The following LMNB1 variants were observed in gnomAD, a reference collection of about 807,000 sequenced individuals.
LMNB1 encodes lamin B1.
In LMNB1, 23 loss-of-function variants were observed where a neutral mutation model predicts 67.1. The observed-to-expected ratio is 0.34, with a 90% CI of 0.25 to 0.49. The LOEUF is 0.49. Among genes scored for constraint, LMNB1 ranks in the 20% least tolerant of loss-of-function variants. The pLI, the probability that LMNB1 is intolerant of heterozygous loss-of-function variation, is 0.99. For synonymous variants in LMNB1, 281 were observed against 282.9 expected (o/e 0.99, Z 0.07); for missense variants, 634 against 746.5 (o/e 0.85, Z 1.76).
chr5:126,781,932 T>C (rs1250366315), intron 1 of LMNB1, among the ~76,000 whole-genome samples: 1 of 152,132 alleles, frequency 6.6e-6, no homozygotes, highest in Non-Finnish European at 1.5e-5. Flanking sequence ...TTGGCAACAG[T>C]TTCCATGCAG....
intron 1 of LMNB1, among the ~76,000 whole-genome samples, chr5:126,793,530 C>T (rs569145745): frequency 2.1e-4 from 32 of 152,268 alleles, no homozygotes; most frequent in African/African-American, 7.5e-4. Flanking sequence ...TATGCAAAAG[C>T]ATCTTCTTAG....
At chr5:126,778,808 G>A (rs963031208) in intron 1 of LMNB1, among the ~76,000 whole-genome samples, 2 of 152,112 alleles carry the variant, frequency 1.3e-5, no homozygotes, top group Admixed American at 6.6e-5. Flanking sequence ...AGTAGACCAG[G>A]GCAGGTGACA....
intron 1 of LMNB1, among the ~76,000 whole-genome samples, chr5:126,795,768 G>A (rs1751071962): frequency 6.6e-6 from 1 of 151,372 alleles, no homozygotes; most frequent in Non-Finnish European, 1.5e-5. Context: ...GGGATTACAG[G>A]CATGCACAAC....
intron 3 of LMNB1, among the ~76,000 whole-genome samples, chr5:126,807,780 T>G (rs1043119548): frequency 6.6e-6 from 1 of 152,266 alleles, no homozygotes; most frequent in Non-Finnish European, 1.5e-5. Flanking sequence ...ATTTAATATT[T>G]TTAGAGTGCA....
chr5:126,802,886 A>C (rs971137290), intron 1 of LMNB1, among the ~76,000 whole-genome samples: 4 of 152,206 alleles, frequency 2.6e-5, no homozygotes, highest in Non-Finnish European at 5.9e-5. Flanking sequence ...CCATTTAAAA[A>C]AAAGTGGTTA....
chr5:126,777,542 G>A lies in LMNB1; in HGVS notation c.34G>A (p.Gly12Ser), dbSNP rs754190614. The change falls in exon 1 of 11, where the codon GGC becomes AGC. Residue 12 changes from glycine to serine, a missense_variant. Transcript: ENST00000261366. ...ATATPVPPRMGSRAGGPTTPL... is the reference protein window; with the variant it reads ...ATATPVPPRMSSRAGGPTTPL... Reference sequence around the variant, plus strand: ...TGCGACCCCCGTGCCGCCGCGGATGGGCAGCCGCGCTGGCGGCCCCACCAC... The same window carrying A: ...TGCGACCCCCGTGCCGCCGCGGATGAGCAGCCGCGCTGGCGGCCCCACCAC... 1.2e-5 allele frequency: 17 copies of A among 1,434,864 alleles called. No individual in the cohort carries two copies. The highest frequency in any genetic ancestry group is 1.6e-5 in the Non-Finnish European group (17 of 1,090,602). 88.9% of individuals were successfully genotyped at this position (1,434,864 alleles called of 1,614,324 possible). A position where few individuals can be genotyped will look rare whatever the true frequency, so the allele number is the denominator to read the frequency against.
chr5:126,802,986 A>G (rs1751323833), intron 1 of LMNB1, among the ~76,000 whole-genome samples: 1 of 151,692 alleles, frequency 6.6e-6, no homozygotes, highest in Non-Finnish European at 1.5e-5. Context: ...GGTGTTCGAG[A>G]CCAGCCTGGC....
chr5:126,819,802 T>C (rs1219154356), intron 6 of LMNB1, among the ~76,000 whole-genome samples: 2 of 152,068 alleles, frequency 1.3e-5, no homozygotes, highest in East Asian at 1.9e-4. Flanking sequence ...TTATATATAT[T>C]TTAAATCTGG....
At chr5:126,781,092 T>G (rs919646418) in intron 1 of LMNB1, among the ~76,000 whole-genome samples, 9 of 152,014 alleles carry the variant, frequency 5.9e-5, no homozygotes, top group Non-Finnish European at 1.3e-4. Context: ...AGTTCAAGAC[T>G]AGCCTGTCCA....
In LMNB1 at chr5:126,818,958, G is replaced by A; in HGVS notation, c.976G>A (p.Asp326Asn). The A allele has an allele frequency of 6.2e-7, 1 of 1,614,044 alleles. No homozygotes were observed. Among genetic ancestry groups the A allele is most frequent in the Non-Finnish European group, 8.5e-7 (1 of 1,179,938 alleles). Residue 326 changes from aspartate (D) to asparagine (N), a missense_variant, in exon 6 of 11, where the codon GAC (aspartate) becomes AAC (asparagine). Transcript: ENST00000261366. ...TTTGGAAAGGATTCAAGAATTAGAGGACTTGCTTGCTAAAGAAAAAGACAA... is the reference window on the plus strand; with the variant it reads ...TTTGGAAAGGATTCAAGAATTAGAGAACTTGCTTGCTAAAGAAAAAGACAA... ...ACLERIQELEDLLAKEKDNSR... is the reference protein window; with the variant it reads ...ACLERIQELENLLAKEKDNSR...
chr5:126,795,578 AG>A (rs1311882249), intron 1 of LMNB1, among the ~76,000 whole-genome samples: 1 of 152,042 alleles, frequency 6.6e-6, no homozygotes, highest in Non-Finnish European at 1.5e-5. Context: ...AGTTCCATTG[AG>A]GGTTCATTTT....
intron 2 of LMNB1, 100 bp from the exon 3 acceptor site, chr5:126,805,471 G>T (rs1226882147): frequency 8.9e-6 from 7 of 788,682 alleles, no homozygotes; most frequent in Non-Finnish European, 1.2e-5. Flanking sequence ...AAATATATAG[G>T]AATTTTAACA....
At chr5:126,817,269 C>G (rs1290965463) in intron 5 of LMNB1, among the ~76,000 whole-genome samples, 2 of 152,170 alleles carry the variant, frequency 1.3e-5, no homozygotes, top group East Asian at 1.9e-4. Context: ...GGTACTATAA[C>G]ATGCTCTAGG....
Position 126,826,038 on chromosome 5 carries a change from C to A in LMNB1, c.1542C>A (p.Ile514=). ...CAGCCAGCCCCCCAACTGACCTCAT[C>A]TGGAAGAACCAGAACTCGTGGGGCA... ...GVTASPPTDL[I]WKNQNSWGTG... is the part of the protein sequence containing the mutation. Residue 514 remains isoleucine (I), a synonymous_variant, in exon 9 of 11, where the codon ATC becomes ATA. Coordinates refer to ENST00000261366, the MANE Select transcript of LMNB1 (RefSeq NM_005573.4). 1 of 1,614,042 alleles carries A rather than the reference C, an allele frequency of 6.2e-7. No individual in the cohort carries two copies. The highest frequency in any genetic ancestry group is 8.5e-7 in the Non-Finnish European group (1 of 1,179,956).
At chr5:126,816,504 T>C (rs1323383871) in intron 5 of LMNB1, among the ~76,000 whole-genome samples, 1 of 152,214 alleles carries the variant, frequency 6.6e-6, no homozygotes, top group Non-Finnish European at 1.5e-5. Context: ...CATTTTCCCC[T>C]GTTGTTAGCA....
At chr5:126,806,271 T>C (rs1372027483) in intron 3 of LMNB1, among the ~76,000 whole-genome samples, 3 of 152,226 alleles carry the variant, frequency 2.0e-5, no homozygotes, top group African/African-American at 7.2e-5. Flanking sequence ...TCTTAACTTA[T>C]AAAGGCTTGG....
intron 3 of LMNB1, among the ~76,000 whole-genome samples, chr5:126,806,828 A>G (rs2126712603): frequency 6.6e-6 from 1 of 151,854 alleles, no homozygotes. Flanking sequence ...CCCAGGCTGG[A>G]ATGCAGTGGC....
At chr5:126,796,217 C>A (rs898440812) in intron 1 of LMNB1, among the ~76,000 whole-genome samples, 1 of 152,104 alleles carries the variant, frequency 6.6e-6, no homozygotes, top group African/African-American at 2.4e-5. Flanking sequence ...GTGTGAGCTA[C>A]CGTGCCCGGC....
chr5:126,829,329 T>C (rs1580558054), intron 9 of LMNB1, among the ~76,000 whole-genome samples: 1 of 152,124 alleles, frequency 6.6e-6, no homozygotes, highest in South Asian at 2.1e-4. Context: ...GGACGCAGGA[T>C]AGCTGCTGGC....
Sources: allele counts gnomAD v4.1 joint callset (sites outside exome capture counted in the v4.1 genomes callset), GRCh38; gene constraint gnomAD v4.1.1; transcripts MANE v1.5; gene names NCBI Gene and HGNC (gene_info 2026-07-23, HGNC 2026-07-21).